The following PPM1E variants were observed in gnomAD, a reference collection of about 807,000 sequenced individuals.
PPM1E encodes the protein protein phosphatase 1E.
In PPM1E, 20 loss-of-function variants were observed where a neutral mutation model predicts 65.9. The ratio of observed to expected loss-of-function variants is 0.30; its 90% CI spans 0.21 to 0.44. The LOEUF (loss-of-function observed/expected upper bound fraction) is 0.44, where lower values mean the gene tolerates loss of function less well. Among genes scored for constraint, PPM1E ranks in the 20% least tolerant of loss-of-function variants. The pLI is 1.00. For synonymous variants in PPM1E, 352 were observed against 374.9 expected (o/e 0.94, Z 0.70); for missense variants, 713 against 953.1 (o/e 0.75, Z 3.32).
At chr17:58,837,260 T>TAAAAAA (rs57058929) in intron 1 of PPM1E, among the ~76,000 whole-genome samples, 1 of 66,286 alleles carries the variant, frequency 1.5e-5, no homozygotes. Flanking sequence ...TTAAAAAAAT[T>TAAAAAA]AAAAAAAAAA....
chr17:58,905,106 T>A (rs1447267608), intron 1 of PPM1E, among the ~76,000 whole-genome samples: 3 of 152,042 alleles, frequency 2.0e-5, no homozygotes, highest in Non-Finnish European at 4.4e-5. Context: ...TTCTAGGGGT[T>A]TTTTGACTCT....
intron 1 of PPM1E, among the ~76,000 whole-genome samples, chr17:58,899,183 G>T (rs897389303): frequency 6.6e-6 from 1 of 151,496 alleles, no homozygotes; most frequent in Non-Finnish European, 1.5e-5. Flanking sequence ...AAACAAAAAA[G>T]AATGAAAAAA....
intron 1 of PPM1E, among the ~76,000 whole-genome samples, chr17:58,934,706 C>T (rs1313131202): frequency 2.6e-5 from 4 of 152,178 alleles, no homozygotes; most frequent in East Asian, 1.9e-4. Context: ...GCGGGTGGAT[C>T]GCTTGAGGTC....
At chr17:58,966,707 G>C (rs1341628237) in intron 3 of PPM1E, 3 of 153,962 alleles carry the variant, frequency 1.9e-5, no homozygotes, top group African/African-American at 7.2e-5. Context: ...TCTATTAAAT[G>C]TATTATGTTA....
intron 1 of PPM1E, among the ~76,000 whole-genome samples, chr17:58,912,663 T>G (rs1445925630): frequency 6.6e-6 from 1 of 152,206 alleles, no homozygotes; most frequent in Non-Finnish European, 1.5e-5. Context: ...TGTGTCTTTT[T>G]GTATGATAAT....
intron 1 of PPM1E, among the ~76,000 whole-genome samples, chr17:58,788,368 G>A (rs1376149984): frequency 3.9e-5 from 6 of 152,250 alleles, no homozygotes; most frequent in African/African-American, 1.2e-4. Context: ...AAGAGTTAGA[G>A]TGTATACAGA....
At chr17:58,954,221 C>A (rs1276744941) in intron 1 of PPM1E, among the ~76,000 whole-genome samples, 2 of 152,224 alleles carry the variant, frequency 1.3e-5, no homozygotes, top group Non-Finnish European at 2.9e-5. Flanking sequence ...TCTCTCACCT[C>A]TACATCCAAT....
rs1000790288 is a variant in PPM1E at position 58,755,857 on chromosome 17, T to G, written c.-141T>G. On this transcript the variant is annotated 5_prime_UTR_variant, in exon 1 of 7. Transcript: ENST00000308249. ...GGCGCGCACGCCTGCGGGAGCCCTC[T>G]CCAGGCAACCTAGTGCTGATCGCTC... 1.4e-6 allele frequency: 2 copies of G among 1,431,406 alleles called. No individual in the cohort carries two copies. The highest frequency in any genetic ancestry group is 3.0e-5 in the Admixed American group (1 of 33,506). The allele number at this position is 1,431,406 out of a possible 1,614,324, so 88.7% of individuals were successfully genotyped here. A position where few individuals can be genotyped will look rare whatever the true frequency, so the allele number is the denominator to read the frequency against.
At chr17:58,775,892 G>T (rs1423785256) in intron 1 of PPM1E, among the ~76,000 whole-genome samples, 1 of 122,066 alleles carries the variant, frequency 8.2e-6, no homozygotes, top group East Asian at 2.7e-4. Context: ...CCGCAGTCCG[G>T]CCTGGGCGAC....
At chr17:58,838,681 T>C (rs2050687203) in intron 1 of PPM1E, among the ~76,000 whole-genome samples, 1 of 152,206 alleles carries the variant, frequency 6.6e-6, no homozygotes, top group African/African-American at 2.4e-5. Context: ...GCAATAGACA[T>C]ACCCAGTTGA....
chr17:58,817,826 A>G (rs1329350565), intron 1 of PPM1E, among the ~76,000 whole-genome samples: 1 of 151,294 alleles, frequency 6.6e-6, no homozygotes, highest in South Asian at 2.1e-4. Flanking sequence ...ATCTCCGCTC[A>G]CTGCAAGCTC....
rs148459021 is a variant in PPM1E, at chr17:58,878,880, G to C, written c.465-76769G>C. ...CCTGGGAGGCGGACACTCCAGCCTG[G>C]GCAACAAGAGCGAAACTGCATCTCT... On this transcript the variant is annotated intron_variant, in intron 1 of 6. Coordinates refer to ENST00000308249, the MANE Select transcript of PPM1E (RefSeq NM_014906.5). Among the ~76,000 whole-genome samples the C allele has an allele frequency of 5.1e-3, 769 of 150,298 alleles. 3 individuals are homozygous for C. Among genetic ancestry groups the C allele is most frequent in the African/African-American group, 0.018 (745 of 40,868 alleles).
At chr17:58,929,423 T>G (rs1022060080) in intron 1 of PPM1E, among the ~76,000 whole-genome samples, 2 of 152,194 alleles carry the variant, frequency 1.3e-5, no homozygotes, top group African/African-American at 4.8e-5. Flanking sequence ...GTATATAGAA[T>G]ATGTGTTTTA....
At chr17:58,787,422 G>A (rs888841326) in intron 1 of PPM1E, among the ~76,000 whole-genome samples, 4 of 150,354 alleles carry the variant, frequency 2.7e-5, no homozygotes, top group Non-Finnish European at 5.9e-5. Context: ...CAGCTAATAT[G>A]ATAGCTTAAT....
intron 1 of PPM1E, among the ~76,000 whole-genome samples, chr17:58,793,802 CG>C (rs2050179712): frequency 6.6e-6 from 1 of 152,056 alleles, no homozygotes; most frequent in Non-Finnish European, 1.5e-5. Flanking sequence ...TTATCCACAT[CG>C]ATAAGTAGAA....
chr17:58,811,863 G>A (rs2050371706), intron 1 of PPM1E, among the ~76,000 whole-genome samples: 2 of 152,080 alleles, frequency 1.3e-5, no homozygotes, highest in South Asian at 2.1e-4. Context: ...TAGAGACAGG[G>A]TTTCACCATG....
In PPM1E at chr17:58,955,781, T is replaced by C; in HGVS notation, c.583+14T>C. The C allele has an allele frequency of 6.4e-7, 1 of 1,568,872 alleles. No individual in the cohort carries two copies. The highest frequency in any genetic ancestry group is 8.6e-7 in the Non-Finnish European group (1 of 1,165,874). On this transcript the variant is annotated intron_variant, in intron 2 of 6. Coordinates refer to ENST00000308249, the MANE Select transcript of PPM1E (RefSeq NM_014906.5). ...AAGGGACTGTGGGTGAGTACCTTTC[T>C]ACATTATTTGTTTAAAAATACTAGA...
intron 1 of PPM1E, among the ~76,000 whole-genome samples, chr17:58,832,917 ATTCTCCTTCC>A (rs2050619486): frequency 2.6e-5 from 4 of 151,944 alleles, no homozygotes; most frequent in Non-Finnish European, 4.4e-5. Context: ...GGAACAAGCG[ATTCTCCTTCC>A]TCAGCCATCT....
At chr17:58,847,194 T>C (rs1202295444) in intron 1 of PPM1E, among the ~76,000 whole-genome samples, 1 of 152,112 alleles carries the variant, frequency 6.6e-6, no homozygotes. Context: ...GGGTAGATTG[T>C]AAAAATTTTC....
Sources: gnomAD v4.1 joint callset for allele counts (sites outside exome capture counted in the v4.1 genomes callset) on GRCh38, gnomAD v4.1.1 for gene constraint, MANE v1.5 for transcripts, NCBI Gene and HGNC (gene_info 2026-07-23, HGNC 2026-07-21) for gene names.